WASF2: variants seen among roughly 807,000 people sequenced by gnomAD.
WASF2 encodes the protein WASP family member 2, also known as actin-binding protein WASF2.
WASF2 carries 14 observed loss-of-function variants against 45.0 expected under a neutral mutation model. The ratio of observed to expected loss-of-function variants is 0.31; its 90% confidence interval spans 0.21 to 0.49. The LOEUF (loss-of-function observed/expected upper bound fraction) is 0.49, where lower values mean the gene tolerates loss of function less well. WASF2 is among the 20% of genes least tolerant of loss of function. The pLI, the probability that WASF2 is intolerant of heterozygous loss-of-function variation, is 0.99. For missense variants in WASF2, 439 were observed against 636.1 expected (o/e 0.69, Z 3.33); for synonymous variants, 200 against 236.3 (o/e 0.85, Z 1.41).
chr1:27,460,920 C>T (rs1373891602), intron 1 of WASF2, among the ~76,000 whole-genome samples: 3 of 152,090 alleles, frequency 2.0e-5, no homozygotes, highest in Non-Finnish European at 2.9e-5. Context: ...GGGTGGATTA[C>T]GAGGTCAGGA....
intron 1 of WASF2, among the ~76,000 whole-genome samples, chr1:27,477,062 G>C (rs528671159): frequency 6.6e-6 from 1 of 152,104 alleles, no homozygotes; most frequent in Non-Finnish European, 1.5e-5. Context: ...CATTATGAAA[G>C]CTTTGGAAAC....
chr1:27,450,823 C>T (rs994867773), intron 1 of WASF2, among the ~76,000 whole-genome samples: 1 of 151,876 alleles, frequency 6.6e-6, no homozygotes, highest in Non-Finnish European at 1.5e-5. Flanking sequence ...TTTCTGTTCC[C>T]TTCCCTTCTC....
intron 1 of WASF2, among the ~76,000 whole-genome samples, chr1:27,487,969 C>G (rs935843906): frequency 2.0e-5 from 3 of 151,666 alleles, no homozygotes; most frequent in Middle Eastern, 3.4e-3. Flanking sequence ...TTACAATTGA[C>G]TTTTTCTATG....
At chr1:27,419,143 A>C (rs1372866764) in intron 2 of WASF2, 55 bp from the exon 3 acceptor site, 1 of 1,597,578 alleles carries the variant, frequency 6.3e-7, no homozygotes, top group East Asian at 2.2e-5. Flanking sequence ...GTAAATGGTC[A>C]CAAAAACTGG....
At chr1:27,443,910 A>G (rs1423782120) in intron 1 of WASF2, among the ~76,000 whole-genome samples, 6 of 151,894 alleles carry the variant, frequency 4.0e-5, no homozygotes, top group African/African-American at 1.5e-4. Context: ...CCTCATGAGT[A>G]GCTGGGATTA....
At position 27,408,204 on chromosome 1, in the gene WASF2, G is replaced by A. The variant is rs778956153; in HGVS notation, c.1482C>T (p.Asp494=). ...SEDDSSEFDE[D]DWSD is the part of the protein sequence containing the mutation. The stretch of plus-strand genomic sequence containing the variant: ...GCAGAAAGAGTTAATCGGACCAGTC[G>A]TCCTCATCAAATTCAGAGGAGTCAT... Residue 494 remains aspartate (D), a synonymous_variant, in exon 9 of 9, where the codon GAC becomes GAT. Transcript: ENST00000618852. The A allele has an allele frequency of 1.4e-5, 23 of 1,613,752 alleles. No individual in the cohort carries two copies. The highest frequency in any genetic ancestry group is 1.6e-5 in the Non-Finnish European group (19 of 1,179,836).
At chr1:27,480,556 T>C (rs1183165442) in intron 1 of WASF2, among the ~76,000 whole-genome samples, 1 of 151,024 alleles carries the variant, frequency 6.6e-6, no homozygotes. Flanking sequence ...TATAATAAAA[T>C]AGAAATAAAC....
intron 8 of WASF2, among the ~76,000 whole-genome samples, chr1:27,408,902 G>A (rs186439557): frequency 7.2e-4 from 109 of 152,228 alleles, no homozygotes; most frequent in Non-Finnish European, 9.0e-4. Flanking sequence ...AAAGAGGGCA[G>A]GGGGCAAGGA....
intron 1 of WASF2, among the ~76,000 whole-genome samples, chr1:27,444,663 T>A (rs2017288741): frequency 6.6e-6 from 1 of 152,176 alleles, no homozygotes; most frequent in African/African-American, 2.4e-5. Flanking sequence ...GACAGGCTCT[T>A]CAGGAACATG....
At chr1:27,453,616 A>G (rs6682650) in intron 1 of WASF2, among the ~76,000 whole-genome samples, 124,913 of 146,410 alleles carry the variant, frequency 0.85, 53,709 homozygotes, top group Admixed American at 0.92. Flanking sequence ...AAAAGGGCCA[A>G]GCGCGGTGGC....
intron 2 of WASF2, among the ~76,000 whole-genome samples, chr1:27,426,708 C>T (rs1341536401): frequency 2.0e-5 from 3 of 151,926 alleles, no homozygotes; most frequent in Non-Finnish European, 4.4e-5. Context: ...ACGGGTTTCA[C>T]CATGTTGGCC....
chr1:27,470,861 G>A (rs1390209843), intron 1 of WASF2, among the ~76,000 whole-genome samples: 1 of 152,122 alleles, frequency 6.6e-6, no homozygotes, highest in Non-Finnish European at 1.5e-5. Context: ...CAGTAAACAT[G>A]CCTCCCAAGC....
At chr1:27,441,685 C>T (rs1380701340) in intron 1 of WASF2, among the ~76,000 whole-genome samples, 2 of 130,422 alleles carry the variant, frequency 1.5e-5, no homozygotes, top group South Asian at 2.5e-4. Flanking sequence ...ACCTGGGAGG[C>T]GGAGCTTGCA....
At chr1:27,441,903 C>T (rs550593486) in intron 1 of WASF2, among the ~76,000 whole-genome samples, 14 of 137,436 alleles carry the variant, frequency 1.0e-4, no homozygotes, top group Non-Finnish European at 1.4e-4. Flanking sequence ...TCCAGCCTGG[C>T]GACACAACGA....
intron 1 of WASF2, among the ~76,000 whole-genome samples, chr1:27,438,228 T>C (rs1004266032): frequency 6.6e-6 from 1 of 152,246 alleles, no homozygotes. Context: ...TACTATGCGA[T>C]GGAGAAGATG....
chr1:27,416,203 G>A (rs577618215), intron 4 of WASF2, 101 bp from the exon 5 acceptor site: 1 of 953,364 alleles, frequency 1.0e-6, no homozygotes, highest in Non-Finnish European at 1.7e-6. Context: ...TTACACCAAG[G>A]AATCAAGAAG....
At chr1:27,465,919 C>T (rs1249267914) in intron 1 of WASF2, among the ~76,000 whole-genome samples, 1 of 152,146 alleles carries the variant, frequency 6.6e-6, no homozygotes, top group African/African-American at 2.4e-5. Flanking sequence ...GAAATTATGT[C>T]AAAAGGAATC....
intron 1 of WASF2, among the ~76,000 whole-genome samples, chr1:27,434,995 G>A (rs894622301): frequency 2.0e-5 from 3 of 152,006 alleles, no homozygotes; most frequent in Admixed American, 6.6e-5. Flanking sequence ...TGCCCAGGCT[G>A]GAGTACAATG....
intron 1 of WASF2, among the ~76,000 whole-genome samples, chr1:27,443,839 G>C (rs568690978): frequency 1.1e-4 from 16 of 152,046 alleles, no homozygotes; most frequent in Admixed American, 5.9e-4. Context: ...AGTGCAGGGG[G>C]GGGTGATCTC....
Sources: allele counts gnomAD v4.1 joint callset (sites outside exome capture counted in the v4.1 genomes callset), GRCh38; gene constraint gnomAD v4.1.1; transcripts MANE v1.5; gene names NCBI Gene and HGNC (gene_info 2026-07-23, HGNC 2026-07-21).